The following EXOC4 variants were observed in gnomAD, a reference collection of about 807,000 sequenced individuals.
EXOC4 encodes exocyst complex component 4.
A neutral mutation model predicts 107.2 loss-of-function variants in EXOC4; 71 were observed. The ratio of observed to expected loss-of-function variants is 0.66; its 90% CI spans 0.55 to 0.81. The LOEUF (loss-of-function observed/expected upper bound fraction) is 0.81. Ranked by LOEUF, EXOC4 falls within the 30% of genes least tolerant of loss-of-function variation. The pLI is 0.00. For missense variants in EXOC4, 1,108 were observed against 1,189.6 expected, an observed-to-expected ratio of 0.93 and a Z score of 1.01; for synonymous variants, 456 against 441.2, an observed-to-expected ratio of 1.03 and a Z score of -0.42.
At chr7:133,321,171 A>G (rs1584808866) in intron 5 of EXOC4, among the ~76,000 whole-genome samples, 2 of 148,436 alleles carry the variant, frequency 1.3e-5, no homozygotes, top group South Asian at 4.3e-4. Flanking sequence ...ATTGGAGGTG[A>G]TTCCTGAGAA....
At chr7:133,348,205 T>G (rs1448487020) in intron 5 of EXOC4, among the ~76,000 whole-genome samples, 2 of 152,164 alleles carry the variant, frequency 1.3e-5, no homozygotes, top group African/African-American at 4.8e-5. Context: ...CCTTTTAAAT[T>G]GCCTTTTAAT....
At chr7:133,290,975 G>C (rs533079437) in intron 3 of EXOC4, 41 of 152,018 alleles carry the variant, frequency 2.7e-4, no homozygotes, top group African/African-American at 9.2e-4. Context: ...GGGTATTGAG[G>C]GAAAACAGGG....
At chr7:133,755,407 C>T (rs1324046681) in intron 10 of EXOC4, among the ~76,000 whole-genome samples, 6 of 141,302 alleles carry the variant, frequency 4.2e-5, no homozygotes, top group African/African-American at 1.6e-4. Context: ...GCAGTGGCGC[C>T]ATCTCAGCCC....
intron 7 of EXOC4, among the ~76,000 whole-genome samples, chr7:133,419,469 T>C (rs1797553092): frequency 1.3e-5 from 2 of 152,118 alleles, no homozygotes; most frequent in South Asian, 2.1e-4. Flanking sequence ...GACTGGTGTT[T>C]TGATGTGAAG....
chr7:134,024,495 T>C (rs1354062156), intron 17 of EXOC4, among the ~76,000 whole-genome samples: 2 of 152,046 alleles, frequency 1.3e-5, no homozygotes, highest in African/African-American at 4.8e-5. Context: ...ATTTAAAATA[T>C]TCACAAAGGA....
chr7:133,861,552 T>G (rs1485064520), intron 11 of EXOC4, among the ~76,000 whole-genome samples: 3 of 151,956 alleles, frequency 2.0e-5, no homozygotes, highest in Admixed American at 6.6e-5. Context: ...TTTGTTTTTT[T>G]GTGACAGAGT....
At chr7:134,012,525 A>G (rs538849856) in intron 17 of EXOC4, among the ~76,000 whole-genome samples, 15 of 152,324 alleles carry the variant, frequency 9.8e-5, no homozygotes, top group South Asian at 8.3e-4. Flanking sequence ...AGGAGAGGCT[A>G]TTGAAGTGTG....
intron 14 of EXOC4, among the ~76,000 whole-genome samples, chr7:133,960,502 TA>T (rs981999065): frequency 1.1e-4 from 16 of 152,230 alleles, no homozygotes; most frequent in African/African-American, 3.6e-4. Flanking sequence ...TGGTAATTTT[TA>T]AATTACCATT....
At chr7:133,277,997 T>C (rs1428793829) in intron 2 of EXOC4, among the ~76,000 whole-genome samples, 2 of 152,186 alleles carry the variant, frequency 1.3e-5, no homozygotes, top group Non-Finnish European at 2.9e-5. Flanking sequence ...AGCAAAATGT[T>C]GAGAATGTGT....
chr7:133,694,398 C>T (rs973277855), intron 10 of EXOC4, among the ~76,000 whole-genome samples: 2 of 151,962 alleles, frequency 1.3e-5, no homozygotes, highest in African/African-American at 4.8e-5. Flanking sequence ...ACTTGAGAAC[C>T]GCTATAAATG....
At chr7:133,633,859 C>T (rs1299476069) in intron 10 of EXOC4, among the ~76,000 whole-genome samples, 1 of 152,136 alleles carries the variant, frequency 6.6e-6, no homozygotes, top group East Asian at 1.9e-4. Flanking sequence ...GGGAGAATCC[C>T]TTTCAAGTGC....
chr7:134,024,754 C>A (rs1036493516), intron 17 of EXOC4, among the ~76,000 whole-genome samples: 10 of 152,264 alleles, frequency 6.6e-5, no homozygotes, highest in Non-Finnish European at 1.3e-4. Context: ...CAGATGCATG[C>A]ACTCTGAACT....
intron 10 of EXOC4, among the ~76,000 whole-genome samples, chr7:133,781,086 A>G (rs1047731244): frequency 6.6e-6 from 1 of 152,230 alleles, no homozygotes; most frequent in Non-Finnish European, 1.5e-5. Context: ...GTTCCTGCCA[A>G]CACTTTGGTT....
chr7:133,457,737 T>C (rs1373257446), intron 7 of EXOC4, among the ~76,000 whole-genome samples: 1 of 152,196 alleles, frequency 6.6e-6, no homozygotes, highest in Non-Finnish European at 1.5e-5. Flanking sequence ...ATTCTTCCCT[T>C]CTCTGCTTCC....
At chr7:133,858,169 TTC>T (rs765414588) in intron 11 of EXOC4, among the ~76,000 whole-genome samples, 34 of 152,244 alleles carry the variant, frequency 2.2e-4, no homozygotes, top group Non-Finnish European at 4.1e-4. Flanking sequence ...ATTCGGTGTG[TTC>T]TGAATTCTTG....
chr7:133,445,671 TA>T (rs1483829254), intron 7 of EXOC4, among the ~76,000 whole-genome samples: 15 of 152,052 alleles, frequency 9.9e-5, no homozygotes, highest in African/African-American at 3.4e-4. Context: ...CTGGTAATTC[TA>T]ATGTGCAGCA....
At chr7:133,512,857 G>A (rs1584969148) in intron 9 of EXOC4, among the ~76,000 whole-genome samples, 1 of 152,272 alleles carries the variant, frequency 6.6e-6, no homozygotes, top group East Asian at 1.9e-4. Context: ...AACTGGCCAG[G>A]TGCGGTGGCT....
intron 10 of EXOC4, among the ~76,000 whole-genome samples, chr7:133,777,605 A>G (rs1362090740): frequency 6.6e-6 from 1 of 152,202 alleles, no homozygotes; most frequent in African/African-American, 2.4e-5. Context: ...GAATTGTAGT[A>G]GAAAGTGGAT....
rs778843137 is a variant in EXOC4 at position 133,475,473 on chromosome 7, A to G, written c.1328A>G (p.Lys443Arg). The change falls in exon 8 of 18, where the codon AAG (lysine) becomes AGG (arginine). Residue 443 changes from lysine (K) to arginine (R), a missense_variant and splice_region_variant. Coordinates refer to ENST00000253861, the MANE Select transcript of EXOC4 (RefSeq NM_021807.4). ...CAAAGGCCAAAAAATTCTCTTTTCA[A>G]GTAAGTATTATTCTGCTGTTAATAG... ...KPQRPKNSLF[K>R]FESSSHAISM... is the part of the protein sequence containing the mutation. 5 of 1,613,744 alleles carry G rather than the reference A, an allele frequency of 3.1e-6. No individual in the cohort carries two copies. The highest frequency in any genetic ancestry group is 2.2e-5 in the East Asian group (1 of 44,882).
Sources: allele counts gnomAD v4.1 joint callset (sites outside exome capture counted in the v4.1 genomes callset), GRCh38; gene constraint gnomAD v4.1.1; transcripts MANE v1.5; gene names NCBI Gene and HGNC (gene_info 2026-07-23, HGNC 2026-07-21).